Variants in EPHA6 observed in about 807,000 individuals in gnomAD.
EPHA6 encodes ephrin type-A receptor 6.
A neutral mutation model predicts 112.0 loss-of-function variants in EPHA6; 50 were observed. The ratio of observed to expected loss-of-function variants is 0.45; its 90% confidence interval spans 0.36 to 0.56. The LOEUF (loss-of-function observed/expected upper bound fraction) is 0.56. EPHA6 is among the 20% of genes least tolerant of loss of function. EPHA6 has a pLI of 0.00. For missense variants in EPHA6, 1,280 were observed against 1,417.4 expected, an observed-to-expected ratio of 0.90 and a Z score of 1.56; for synonymous variants, 529 against 490.7, an observed-to-expected ratio of 1.08 and a Z score of -1.03.
At chr3:97,301,060 C>T (rs1038902036) in intron 5 of EPHA6, among the ~76,000 whole-genome samples, 2 of 152,092 alleles carry the variant, frequency 1.3e-5, no homozygotes, top group Admixed American at 1.3e-4. Flanking sequence ...TTCTCATTTT[C>T]AGCTTCTGTT....
At chr3:97,402,781 A>G (rs906801548) in intron 5 of EPHA6, among the ~76,000 whole-genome samples, 3 of 152,188 alleles carry the variant, frequency 2.0e-5, no homozygotes, top group African/African-American at 4.8e-5. Context: ...GAACAGCCAG[A>G]AAGAGTTTTA....
chr3:97,472,126 T>A lies in EPHA6; in HGVS notation c.1895-3226T>A, dbSNP rs539006218. 2.0e-5 allele frequency among the ~76,000 whole-genome samples: 3 copies of A among 151,820 alleles called. No individual in the cohort carries two copies. The South Asian group carries it at 6.2e-4, about 31-fold the overall frequency. Reference sequence around the variant, plus strand: ...AATCCAGGATAATCAAGTTTCTTAATTACACCTGCAAATTCCTTTTTTGAG... The same window carrying A: ...AATCCAGGATAATCAAGTTTCTTAAATACACCTGCAAATTCCTTTTTTGAG... On this transcript the variant is annotated intron_variant, in intron 7 of 17. Transcript: ENST00000389672.
chr3:97,114,395 T>C (rs2108289210), intron 3 of EPHA6, among the ~76,000 whole-genome samples: 1 of 152,230 alleles, frequency 6.6e-6, no homozygotes, highest in East Asian at 1.9e-4. Flanking sequence ...TTAGAGTTAC[T>C]TGGTTAAGTT....
At position 96,937,136 on chromosome 3, in the gene EPHA6, T is replaced by G. The variant is rs546422690; in HGVS notation, c.451-50194T>G. Among the ~76,000 whole-genome samples, 28 of 152,260 alleles carry G rather than the reference T, an allele frequency of 1.8e-4. No homozygotes were observed. The South Asian group carries it at 3.7e-3, about 20-fold the overall frequency. Reference sequence around the variant, plus strand: ...TTGGGTATATACCCAGTAATGGGATTGCTGGGTCAAATGGTATTTCTAGTT... The same window carrying G: ...TTGGGTATATACCCAGTAATGGGATGGCTGGGTCAAATGGTATTTCTAGTT... On this transcript the variant is annotated intron_variant, in intron 2 of 17. Coordinates refer to ENST00000389672, the MANE Select transcript of EPHA6 (RefSeq NM_001080448.3).
chr3:96,971,330 C>G lies in EPHA6; in HGVS notation c.451-16000C>G, dbSNP rs72916479. ...CTCAGCAGTTGTCTTCCAGATACAC[C>G]ACTGAATTCTTACCTTTGTTATTAA... On this transcript the variant is annotated intron_variant, in intron 2 of 17. Coordinates refer to ENST00000389672, the MANE Select transcript of EPHA6 (RefSeq NM_001080448.3). Among the ~76,000 whole-genome samples the G allele has an allele frequency of 1.3e-5, 2 of 151,960 alleles. 1 individual carries two copies. Among genetic ancestry groups the G allele is most frequent in the South Asian group, 4.1e-4 (2 of 4,824 alleles).
intron 15 of EPHA6, among the ~76,000 whole-genome samples, chr3:97,735,232 C>T (rs977630863): frequency 3.9e-5 from 6 of 151,994 alleles, no homozygotes; most frequent in Non-Finnish European, 7.4e-5. Flanking sequence ...ACATTTCTGT[C>T]ATCACAGAAG....
In EPHA6 at chr3:97,504,241, T is replaced by A. The variant is rs138355283; in HGVS notation, c.2200+20182T>A. Among the ~76,000 whole-genome samples, 1,157 of 152,218 alleles carry A rather than the reference T, an allele frequency of 7.6e-3. 12 individuals are homozygous for A. Among genetic ancestry groups the A allele is most frequent in the Non-Finnish European group, 0.012 (830 of 68,018 alleles). ...TGAAGTGTCAGGCTGGAGTTCTTTA[T>A]CTCAGGACCAAGAGAATTAAGGAGC... On this transcript the variant is annotated intron_variant, in intron 10 of 17. Coordinates refer to ENST00000389672, the MANE Select transcript of EPHA6 (RefSeq NM_001080448.3).
rs1357750234 is a variant in EPHA6, at chr3:97,647,615, A to G, written c.2784+9533A>G. The stretch of plus-strand genomic sequence containing the variant: ...TGAATGATTAGGGTCCGCACCTAAC[A>G]ATACATATATAATTAGTGTTATGTG... On this transcript the variant is annotated intron_variant, in intron 14 of 17. Coordinates refer to ENST00000389672, the MANE Select transcript of EPHA6 (RefSeq NM_001080448.3). Among the ~76,000 whole-genome samples the G allele has an allele frequency of 3.3e-5, 5 of 152,286 alleles. No homozygotes were observed. The East Asian group carries it at 5.8e-4, about 18-fold the overall frequency.
At chr3:97,634,443 G>A (rs572729688) in intron 13 of EPHA6, among the ~76,000 whole-genome samples, 1 of 151,996 alleles carries the variant, frequency 6.6e-6, no homozygotes, top group African/African-American at 2.4e-5. Flanking sequence ...TAAATAGACA[G>A]AAGATTGTAG....
chr3:97,144,796 C>T (rs1400446010), intron 3 of EPHA6, among the ~76,000 whole-genome samples: 1 of 151,308 alleles, frequency 6.6e-6, no homozygotes, highest in Admixed American at 6.6e-5. Context: ...CTAAATGTCT[C>T]ATATGATTTG....
chr3:97,550,105 T>G (rs2093009559), intron 11 of EPHA6, among the ~76,000 whole-genome samples: 2 of 152,210 alleles, frequency 1.3e-5, no homozygotes, highest in Admixed American at 1.3e-4. Context: ...GACTTTCATC[T>G]GTAGGAGGCC....
intron 4 of EPHA6, among the ~76,000 whole-genome samples, chr3:97,234,827 A>G (rs1445104180): frequency 6.6e-6 from 1 of 152,038 alleles, no homozygotes; most frequent in Non-Finnish European, 1.5e-5. Context: ...TTTTATCCAT[A>G]TCTCAGTCTT....
chr3:97,329,755 C>A (rs1023829861), intron 5 of EPHA6, among the ~76,000 whole-genome samples: 2 of 152,062 alleles, frequency 1.3e-5, no homozygotes, highest in African/African-American at 4.8e-5. Flanking sequence ...AATTTTCTCC[C>A]ATTCTGTAGG....
At chr3:97,725,769 G>T (rs1408652689) in intron 15 of EPHA6, among the ~76,000 whole-genome samples, 4 of 152,028 alleles carry the variant, frequency 2.6e-5, no homozygotes, top group Admixed American at 6.5e-5. Flanking sequence ...CTCCCACACT[G>T]TGACAACCAA....
chr3:97,476,993 A>G (rs2091389368), intron 8 of EPHA6, among the ~76,000 whole-genome samples: 1 of 152,164 alleles, frequency 6.6e-6, no homozygotes, highest in Admixed American at 6.5e-5. Flanking sequence ...AATGCAGGAA[A>G]TAATGATAAA....
At chr3:97,163,925 A>G (rs959182889) in intron 3 of EPHA6, among the ~76,000 whole-genome samples, 1 of 152,206 alleles carries the variant, frequency 6.6e-6, no homozygotes, top group African/African-American at 2.4e-5. Flanking sequence ...TGTTGAAGGA[A>G]GATATTCTGC....
intron 6 of EPHA6, among the ~76,000 whole-genome samples, chr3:97,423,121 C>T (rs1577344174): frequency 1.3e-5 from 2 of 152,092 alleles, no homozygotes; most frequent in South Asian, 4.1e-4. Context: ...TCTAACCATG[C>T]CTATCCAAAA....
chr3:97,683,901 T>A (rs936250756), intron 14 of EPHA6, among the ~76,000 whole-genome samples: 4 of 152,144 alleles, frequency 2.6e-5, no homozygotes, highest in South Asian at 2.1e-4. Flanking sequence ...CATGCTGCAT[T>A]AGCTGAAGCC....
At chr3:97,137,030 A>G (rs1313868790) in intron 3 of EPHA6, among the ~76,000 whole-genome samples, 3 of 152,176 alleles carry the variant, frequency 2.0e-5, no homozygotes, top group East Asian at 3.9e-4. Flanking sequence ...ATCACCTGAA[A>G]AGAATCACAT....
Sources: allele counts gnomAD v4.1 joint callset (sites outside exome capture counted in the v4.1 genomes callset), GRCh38; gene constraint gnomAD v4.1.1; transcripts MANE v1.5; gene names NCBI Gene and HGNC (gene_info 2026-07-23, HGNC 2026-07-21).